TSC22D1: variants seen among roughly 807,000 people sequenced by gnomAD.
TSC22D1 encodes the protein TSC22 domain family protein 1.
Under a neutral mutation model 74.2 loss-of-function variants are expected in TSC22D1, and 9 were observed. The ratio of observed to expected loss-of-function variants is 0.12; its 90% CI spans 0.07 to 0.21. The LOEUF is 0.21. Ranked by LOEUF, TSC22D1 falls within the 10% of genes least tolerant of loss-of-function variation. The pLI is 1.00. For synonymous variants in TSC22D1, 586 were observed against 492.5 expected, an observed-to-expected ratio of 1.19 and a Z score of -2.51; for missense variants, 1,427 against 1,304.7, an observed-to-expected ratio of 1.09 and a Z score of -1.44.
rs146509392 is a variant in TSC22D1, at chr13:44,574,918, G to C, written c.1157C>G (p.Ala386Gly). The change falls in exon 1 of 3, where the codon GCA (alanine) becomes GGA (glycine). Residue 386 changes from alanine to glycine, a missense_variant. By Grantham distance (60) the Ala-to-Gly change is moderately conservative. Transcript: ENST00000458659. ...AAVSSVPNAA[A>G]GMTGGSVSSQ... ...TGAAACCGATCCCCCAGTCATCCCT[G>C]CAGCTGCATTAGGAACACTGCTAAC... The C allele has an allele frequency of 1.6e-5, 26 of 1,613,960 alleles. No homozygotes were observed. In the African/African-American group the frequency reaches 3.3e-4, roughly 21 times the overall value.
chr13:44,547,703 G>A (rs1022405911), intron 1 of TSC22D1, among the ~76,000 whole-genome samples: 1 of 152,070 alleles, frequency 6.6e-6, no homozygotes, highest in East Asian at 1.9e-4. Context: ...TACAAAGTTG[G>A]TTACAGGTAA....
intron 1 of TSC22D1, among the ~76,000 whole-genome samples, chr13:44,513,143 A>G (rs553850112): frequency 3.3e-5 from 5 of 152,220 alleles, no homozygotes; most frequent in African/African-American, 7.2e-5. Flanking sequence ...TTTAACTGCA[A>G]TTGATCTCAC....
intron 1 of TSC22D1, among the ~76,000 whole-genome samples, chr13:44,487,480 C>T (rs1376274835): frequency 2.7e-5 from 2 of 73,944 alleles, no homozygotes; most frequent in Non-Finnish European, 4.7e-5. Context: ...GCCTGGGCAA[C>T]AGAGCAAGAC....
intron 1 of TSC22D1, among the ~76,000 whole-genome samples, chr13:44,486,835 T>C (rs953754719): frequency 2.6e-5 from 4 of 152,134 alleles, no homozygotes; most frequent in Admixed American, 6.5e-5. Flanking sequence ...CAAAACACTT[T>C]AAATAATATG....
intron 1 of TSC22D1, among the ~76,000 whole-genome samples, chr13:44,552,046 G>C (rs1294711848): frequency 6.6e-6 from 1 of 152,198 alleles, no homozygotes; most frequent in African/African-American, 2.4e-5. Context: ...AAGGGTAGCT[G>C]TTATCCCCAC....
At chr13:44,514,223 T>C (rs1214146944) in intron 1 of TSC22D1, among the ~76,000 whole-genome samples, 1 of 151,150 alleles carries the variant, frequency 6.6e-6, no homozygotes, top group Non-Finnish European at 1.5e-5. Context: ...TGCACCAAAA[T>C]CAATTTCAAA....
chr13:44,532,676 G>A (rs748711724), intron 1 of TSC22D1, among the ~76,000 whole-genome samples: 14 of 151,864 alleles, frequency 9.2e-5, no homozygotes, highest in Non-Finnish European at 1.5e-4. Context: ...GGGTTTCACC[G>A]TGTTAGCCAG....
chr13:44,556,375 T>C (rs762905842), intron 1 of TSC22D1, among the ~76,000 whole-genome samples: 16 of 151,346 alleles, frequency 1.1e-4, no homozygotes, highest in Non-Finnish European at 2.1e-4. Context: ...TGAAACCCCG[T>C]CTCTTAAAAA....
At chr13:44,546,428 T>C (rs1185502877) in intron 1 of TSC22D1, among the ~76,000 whole-genome samples, 1 of 152,164 alleles carries the variant, frequency 6.6e-6, no homozygotes, top group Non-Finnish European at 1.5e-5. Flanking sequence ...ATCACTTCTG[T>C]CATATCCTTG....
At chr13:44,572,933 C>A (rs2138250949) in intron 1 of TSC22D1, among the ~76,000 whole-genome samples, 1 of 152,334 alleles carries the variant, frequency 6.6e-6, no homozygotes, top group Admixed American at 6.5e-5. Flanking sequence ...TTAATGTGAA[C>A]ACATGCTCAA....
chr13:44,514,830 A>C (rs182532066), intron 1 of TSC22D1, among the ~76,000 whole-genome samples: 1 of 152,354 alleles, frequency 6.6e-6, no homozygotes, highest in East Asian at 1.9e-4. Context: ...AATGCACTCC[A>C]GCCTAGGTGA....
chr13:44,448,995 A>G (rs1180504298), intron 1 of TSC22D1, among the ~76,000 whole-genome samples: 1 of 152,180 alleles, frequency 6.6e-6, no homozygotes, highest in Admixed American at 6.5e-5. Context: ...CACAGTATTC[A>G]TTGAAAGCCA....
At chr13:44,561,501 T>C (rs112384668) in intron 1 of TSC22D1, among the ~76,000 whole-genome samples, 2 of 152,202 alleles carry the variant, frequency 1.3e-5, no homozygotes, top group Non-Finnish European at 1.5e-5. Context: ...ACAAAGCCCA[T>C]CTGATACCAA....
At position 44,575,826 on chromosome 13, in the gene TSC22D1, T is replaced by C. The variant is rs1884186303; in HGVS notation, c.249A>G (p.Gln83=). The C allele has an allele frequency of 6.2e-7, 1 of 1,613,760 alleles. No individual in the cohort carries two copies. Among genetic ancestry groups the C allele is most frequent in the South Asian group, 1.1e-5 (1 of 91,062 alleles). Reference sequence around the variant, plus strand: ...GAGCCTGCGAAAGGAGGTTCAGGCTTTGTGGAGGCGGAGGCTGTGGTCCCG... The same window carrying C: ...GAGCCTGCGAAAGGAGGTTCAGGCTCTGTGGAGGCGGAGGCTGTGGTCCCG... The part of the protein sequence containing the change: ...STSGPQPPPP[Q]SLNLLSQAQL... The change falls in exon 1 of 3, where the codon CAA becomes CAG. Residue 83 remains glutamine, a synonymous_variant. Coordinates refer to ENST00000458659, the MANE Select transcript of TSC22D1 (RefSeq NM_183422.4).
rs141525678 is a variant in TSC22D1 at position 44,516,242 on chromosome 13, G to C, written c.2912+56921C>G. The C allele has an allele frequency of 8.3e-5, 30 of 363,242 alleles. No homozygotes were observed. In the East Asian group the frequency reaches 1.9e-3, roughly 23 times the overall value. 22.5% of individuals were successfully genotyped at this position (363,242 alleles called of 1,614,324 possible). ...CTTGTTGAACATCATTAGTTTACTT[G>C]AGACTTTGGGGGCACTAGAAATTGA... is the stretch of plus-strand genomic sequence containing the variant. On this transcript the variant is annotated intron_variant, in intron 1 of 2. Coordinates refer to ENST00000458659, the MANE Select transcript of TSC22D1 (RefSeq NM_183422.4).
chr13:44,546,395 T>C (rs1285475446), intron 1 of TSC22D1, among the ~76,000 whole-genome samples: 1 of 152,172 alleles, frequency 6.6e-6, no homozygotes. Flanking sequence ...ATGTACCTCC[T>C]TATCTACTAA....
chr13:44,533,035 T>C (rs967492482), intron 1 of TSC22D1, among the ~76,000 whole-genome samples: 2 of 152,232 alleles, frequency 1.3e-5, no homozygotes, highest in Non-Finnish European at 2.9e-5. Flanking sequence ...GAGTGTGGTA[T>C]TAGAAACGTA....
intron 1 of TSC22D1, chr13:44,537,681 A>C (rs1465624500): frequency 1.9e-5 from 19 of 984,686 alleles, no homozygotes; most frequent in Non-Finnish European, 2.2e-5. Context: ...AGCTGTAATC[A>C]CTTATGGGAA....
chr13:44,535,423 A>C (rs1360286399), intron 1 of TSC22D1, among the ~76,000 whole-genome samples: 1 of 152,098 alleles, frequency 6.6e-6, no homozygotes, highest in Non-Finnish European at 1.5e-5. Flanking sequence ...ATTACTATGA[A>C]ATATTTTTAA....
Sources: gnomAD v4.1 joint callset for allele counts (sites outside exome capture counted in the v4.1 genomes callset) on GRCh38, gnomAD v4.1.1 for gene constraint, MANE v1.5 for transcripts, NCBI Gene and HGNC (gene_info 2026-07-23, HGNC 2026-07-21) for gene names.